The following PRKG1 variants were observed in gnomAD, a reference collection of about 807,000 sequenced individuals.
The protein encoded by PRKG1 is protein kinase cGMP-dependent 1, also known as cGMP-dependent protein kinase 1.
Under a neutral mutation model 88.1 loss-of-function variants are expected in PRKG1, and 35 were observed. That is an observed-to-expected ratio of 0.40 (90% CI 0.30 to 0.53). The LOEUF (loss-of-function observed/expected upper bound fraction) is 0.53, where lower values mean the gene tolerates loss of function less well. Ranked by LOEUF, PRKG1 falls within the 20% of genes least tolerant of loss-of-function variation. The pLI, the probability that PRKG1 is intolerant of heterozygous loss-of-function variation, is 0.59. For missense variants in PRKG1, 540 were observed against 839.8 expected (o/e 0.64, Z 4.41); for synonymous variants, 303 against 292.5 (o/e 1.04, Z -0.37).
intron 16 of PRKG1, among the ~76,000 whole-genome samples, chr10:52,289,639 A>C (rs1179732493): frequency 1.3e-5 from 2 of 152,170 alleles, no homozygotes; most frequent in Non-Finnish European, 2.9e-5. Context: ...GAAACCCTTC[A>C]AAGACAAAAG....
intron 2 of PRKG1, among the ~76,000 whole-genome samples, chr10:51,294,068 T>A (rs1662697482): frequency 6.6e-6 from 1 of 152,088 alleles, no homozygotes; most frequent in African/African-American, 2.4e-5. Flanking sequence ...TTAATAGAGT[T>A]TCTTTTTTTA....
chr10:51,942,800 C>T (rs1234621444), intron 5 of PRKG1, among the ~76,000 whole-genome samples: 1 of 151,012 alleles, frequency 6.6e-6, no homozygotes, highest in Admixed American at 6.6e-5. Flanking sequence ...CTGTTCTGTT[C>T]CATTGATCTA....
At chr10:51,880,780 A>G (rs191331122) in intron 4 of PRKG1, among the ~76,000 whole-genome samples, 1 of 152,340 alleles carries the variant, frequency 6.6e-6, no homozygotes, top group Non-Finnish European at 1.5e-5. Flanking sequence ...GTATGAGGCA[A>G]GAGACACAGT....
chr10:51,102,618 A>G, intron 1 of PRKG1, among the ~76,000 whole-genome samples: 1 of 152,180 alleles, frequency 6.6e-6, no homozygotes, highest in East Asian at 1.9e-4. Context: ...TTCTGGGAAA[A>G]TTGACCCACT....
In PRKG1 at chr10:51,842,513, CT is replaced by C. The variant is rs141488168; in HGVS notation, c.698+37825del. Among the ~76,000 whole-genome samples the C allele has an allele frequency of 6.8e-3, 1,042 of 152,212 alleles. 12 individuals carry two copies. Among genetic ancestry groups the C allele is most frequent in the African/African-American group, 0.024 (982 of 41,514 alleles). On this transcript the variant is annotated intron_variant, in intron 4 of 17. Coordinates refer to ENST00000373980, the MANE Select transcript of PRKG1 (RefSeq NM_006258.4). ...GATCCTTATGTGTGGTTCCTGTGGTCTTGGTCAGTATCAGCAAACATGTTTA... is the reference window on the plus strand; with the variant it reads ...GATCCTTATGTGTGGTTCCTGTGGTCTGGTCAGTATCAGCAAACATGTTTA...
At chr10:51,634,254 A>T (rs2132285914) in intron 3 of PRKG1, among the ~76,000 whole-genome samples, 1 of 152,274 alleles carries the variant, frequency 6.6e-6, no homozygotes, top group South Asian at 2.1e-4. Context: ...AAAAGAAGAG[A>T]GGATTTGCCA....
At chr10:51,724,424 T>G (rs10823473) in intron 3 of PRKG1, among the ~76,000 whole-genome samples, 66,707 of 152,048 alleles carry the variant, frequency 0.44, 15,551 homozygotes, top group Middle Eastern at 0.59. Flanking sequence ...GCATGCTTCA[T>G]TTTGGCCAAT....
intron 2 of PRKG1, among the ~76,000 whole-genome samples, chr10:51,423,864 G>A (rs1316179365): frequency 6.6e-6 from 1 of 152,012 alleles, no homozygotes; most frequent in East Asian, 1.9e-4. Flanking sequence ...ATGAATAGTA[G>A]TTTTACTTAG....
intron 2 of PRKG1, among the ~76,000 whole-genome samples, chr10:51,336,836 A>C (rs550569062): frequency 6.6e-6 from 1 of 152,358 alleles, no homozygotes; most frequent in South Asian, 2.1e-4. Context: ...CATAATGCCC[A>C]AAATAATTTA....
intron 2 of PRKG1, among the ~76,000 whole-genome samples, chr10:51,301,573 A>T (rs1257951923): frequency 6.6e-6 from 1 of 152,204 alleles, no homozygotes; most frequent in Non-Finnish European, 1.5e-5. Flanking sequence ...AAATGGAGCA[A>T]CAGAAATCCA....
intron 5 of PRKG1, among the ~76,000 whole-genome samples, chr10:52,004,699 G>T (rs76911943): frequency 1.3e-5 from 2 of 152,118 alleles, no homozygotes; most frequent in African/African-American, 2.4e-5. Flanking sequence ...GGGGGGAAAC[G>T]TTCATAATTT....
Position 51,085,470 on chromosome 10 carries a change from A to C in PRKG1, c.311+10569A>C, listed in dbSNP as rs186960787. Among the ~76,000 whole-genome samples the C allele has an allele frequency of 2.6e-5, 4 of 152,306 alleles. No individual in the cohort carries two copies. In the East Asian group the frequency reaches 7.7e-4, roughly 29 times the overall value. On this transcript the variant is annotated intron_variant, in intron 1 of 17. Coordinates refer to ENST00000373980, the MANE Select transcript of PRKG1 (RefSeq NM_006258.4). ...GAATGAACCCTAGAGTGTACACTGC[A>C]TGCACTGTTGAGTACAGAACTTCAT... is the stretch of plus-strand genomic sequence containing the variant.
chr10:52,286,853 G>A (rs937575451), intron 14 of PRKG1, among the ~76,000 whole-genome samples: 5 of 151,454 alleles, frequency 3.3e-5, no homozygotes, highest in East Asian at 1.9e-4. Flanking sequence ...AAATTAAATC[G>A]AATACTTCTA....
At chr10:51,281,921 C>T (rs962596894) in intron 2 of PRKG1, among the ~76,000 whole-genome samples, 2 of 152,110 alleles carry the variant, frequency 1.3e-5, no homozygotes, top group African/African-American at 2.4e-5. Flanking sequence ...ATCCCTGAGC[C>T]CATCTCAGAC....
At chr10:51,052,995 C>T (rs1219610048) in intron 1 of PRKG1, among the ~76,000 whole-genome samples, 1 of 152,088 alleles carries the variant, frequency 6.6e-6, no homozygotes, top group Non-Finnish European at 1.5e-5. Context: ...TTTGGGAGGT[C>T]AAAGTGGGTT....
At chr10:51,941,539 T>G (rs1842906949) in intron 5 of PRKG1, among the ~76,000 whole-genome samples, 1 of 151,904 alleles carries the variant, frequency 6.6e-6, no homozygotes, top group South Asian at 2.1e-4. Flanking sequence ...GCCATGCTGG[T>G]GTGCTGCACC....
intron 3 of PRKG1, among the ~76,000 whole-genome samples, chr10:51,593,770 G>A (rs1351459075): frequency 6.6e-6 from 1 of 151,876 alleles, no homozygotes; most frequent in Non-Finnish European, 1.5e-5. Flanking sequence ...TGTCACCCAG[G>A]CTGGAGGGCA....
At chr10:51,799,149 C>G (rs766377012) in intron 3 of PRKG1, among the ~76,000 whole-genome samples, 1 of 152,026 alleles carries the variant, frequency 6.6e-6, no homozygotes, top group South Asian at 2.1e-4. Flanking sequence ...ATTTCTACAT[C>G]GGTCTTTCTT....
At chr10:52,146,608 C>T (rs963107441) in intron 8 of PRKG1, among the ~76,000 whole-genome samples, 2 of 152,116 alleles carry the variant, frequency 1.3e-5, no homozygotes, top group Non-Finnish European at 2.9e-5. Context: ...TTTTCAAAGC[C>T]TATTATAGCA....
Sources: gnomAD v4.1 joint callset for allele counts (sites outside exome capture counted in the v4.1 genomes callset) on GRCh38, gnomAD v4.1.1 for gene constraint, MANE v1.5 for transcripts, NCBI Gene and HGNC (gene_info 2026-07-23, HGNC 2026-07-21) for gene names.